Variants in ANKS1B observed in about 807,000 individuals in gnomAD.
ANKS1B encodes the protein ankyrin repeat and sterile alpha motif domain containing 1B.
Under a neutral mutation model 148.3 loss-of-function variants are expected in ANKS1B, and 36 were observed. The ratio of observed to expected loss-of-function variants is 0.24; its 90% CI spans 0.19 to 0.32. ANKS1B has a LOEUF of 0.32. ANKS1B is among the 10% of genes least tolerant of loss of function. ANKS1B has a pLI of 1.00. For synonymous variants in ANKS1B, 542 were observed against 560.8 expected, an observed-to-expected ratio of 0.97 and a Z score of 0.47; for missense variants, 1,157 against 1,542.6, an observed-to-expected ratio of 0.75 and a Z score of 4.19.
At chr12:99,066,291 A>G (rs2044301173) in intron 16 of ANKS1B, among the ~76,000 whole-genome samples, 1 of 152,166 alleles carries the variant, frequency 6.6e-6, no homozygotes, top group Non-Finnish European at 1.5e-5. Context: ...ACTGCACTCC[A>G]GCCTGGGTGA....
At chr12:99,841,055 C>T (rs1470526286) in intron 1 of ANKS1B, among the ~76,000 whole-genome samples, 2 of 152,078 alleles carry the variant, frequency 1.3e-5, no homozygotes, top group Admixed American at 6.6e-5. Flanking sequence ...ATGCTGATCC[C>T]CTCCCTAACT....
intron 1 of ANKS1B, among the ~76,000 whole-genome samples, chr12:99,894,772 T>TATA (rs148066774): frequency 6.7e-5 from 10 of 148,708 alleles, no homozygotes; most frequent in African/African-American, 2.4e-4. Flanking sequence ...ATTATAAATA[T>TATA]ATAATAATAA....
intron 12 of ANKS1B, among the ~76,000 whole-genome samples, chr12:99,312,225 A>G (rs77368652): frequency 0.014 from 2,170 of 152,292 alleles, 40 homozygotes; most frequent in African/African-American, 0.05. Context: ...TTGATTTTAA[A>G]AGAAATGATG....
chr12:98,752,028 C>T (rs1422777708), intron 25 of ANKS1B, among the ~76,000 whole-genome samples: 1 of 152,210 alleles, frequency 6.6e-6, no homozygotes, highest in Non-Finnish European at 1.5e-5. Context: ...CAGTGAAAGG[C>T]TGATCTTCAG....
At chr12:98,783,068 A>G (rs555700198) in intron 22 of ANKS1B, among the ~76,000 whole-genome samples, 136 of 151,298 alleles carry the variant, frequency 9.0e-4, no homozygotes, top group African/African-American at 3.3e-3. Context: ...AAAGCGTCAC[A>G]GTGGATTTCG....
chr12:98,908,895 A>C (rs2099782986), intron 17 of ANKS1B, among the ~76,000 whole-genome samples: 1 of 152,218 alleles, frequency 6.6e-6, no homozygotes. Context: ...TATGCTATAA[A>C]CAGCCCAACC....
chr12:99,577,581 C>G (rs2097530917), intron 9 of ANKS1B, among the ~76,000 whole-genome samples: 1 of 151,820 alleles, frequency 6.6e-6, no homozygotes, highest in African/African-American at 2.4e-5. Flanking sequence ...AAAAAACCCT[C>G]AGAGACAATT....
intron 21 of ANKS1B, among the ~76,000 whole-genome samples, chr12:98,800,217 GA>G (rs770133422): frequency 0.044 from 1,744 of 39,208 alleles, 23 homozygotes; most frequent in African/African-American, 0.1. Flanking sequence ...AGCAGAAAAT[GA>G]AAAAAAAAAA....
intron 11 of ANKS1B, among the ~76,000 whole-genome samples, chr12:99,441,911 A>G (rs577414269): frequency 6.6e-6 from 1 of 152,084 alleles, no homozygotes; most frequent in Non-Finnish European, 1.5e-5. Context: ...GGATCTATAG[A>G]AAAGAATCTG....
chr12:99,588,506 T>A (rs968715312), intron 9 of ANKS1B, among the ~76,000 whole-genome samples: 4 of 151,644 alleles, frequency 2.6e-5, no homozygotes, highest in African/African-American at 9.7e-5. Context: ...AACTTCCACC[T>A]CCCGGGTTCA....
chr12:99,349,775 ACAGAAGG>A (rs2091185183), intron 12 of ANKS1B, among the ~76,000 whole-genome samples: 1 of 152,010 alleles, frequency 6.6e-6, no homozygotes, highest in Admixed American at 6.6e-5. Context: ...AAATAACTAT[ACAGAAGG>A]TCAATAAGAA....
intron 11 of ANKS1B, among the ~76,000 whole-genome samples, chr12:99,410,160 C>A (rs938555448): frequency 3.3e-5 from 5 of 152,184 alleles, no homozygotes; most frequent in African/African-American, 1.2e-4. Context: ...ATTAGTAACA[C>A]ATGAAAATTG....
rs2076684473 is a variant in ANKS1B at position 99,161,791 on chromosome 12, G to A, written c.2420-7396C>T. Among the ~76,000 whole-genome samples the A allele has an allele frequency of 2.0e-5, 3 of 152,118 alleles. No individual in the cohort carries two copies. The South Asian group carries it at 6.2e-4, about 32-fold the overall frequency. On this transcript the variant is annotated intron_variant, in intron 14 of 26. Coordinates refer to ENST00000683438, the MANE Select transcript of ANKS1B (RefSeq NM_001352186.2). Reference sequence around the variant, plus strand: ...CTGACGGATTGTCAAAAACAATAGAGCAATCAGCAGGCAATTACTGGAGTC... The same window carrying A: ...CTGACGGATTGTCAAAAACAATAGAACAATCAGCAGGCAATTACTGGAGTC...
chr12:99,739,732 T>C (rs1372621685), intron 8 of ANKS1B, among the ~76,000 whole-genome samples: 1 of 152,136 alleles, frequency 6.6e-6, no homozygotes, highest in Non-Finnish European at 1.5e-5. Context: ...CTGCCACTTC[T>C]TTTTTCTCCC....
intron 8 of ANKS1B, among the ~76,000 whole-genome samples, chr12:99,708,648 C>A (rs2056187027): frequency 6.6e-6 from 1 of 152,134 alleles, no homozygotes; most frequent in African/African-American, 2.4e-5. Context: ...TATCTTCTAT[C>A]ATTGCATTTC....
At chr12:98,910,465 A>C (rs888585034) in intron 17 of ANKS1B, among the ~76,000 whole-genome samples, 1 of 152,252 alleles carries the variant, frequency 6.6e-6, no homozygotes, top group Non-Finnish European at 1.5e-5. Context: ...TTTAATTATC[A>C]GGCTCCCAAA....
intron 9 of ANKS1B, among the ~76,000 whole-genome samples, chr12:99,512,949 G>A (rs982983308): frequency 1.3e-5 from 2 of 151,852 alleles, no homozygotes; most frequent in Non-Finnish European, 2.9e-5. Flanking sequence ...TAGATGCTAG[G>A]CTTAATACCT....
chr12:99,132,652 T>C (rs1484388305), intron 15 of ANKS1B, among the ~76,000 whole-genome samples: 1 of 152,166 alleles, frequency 6.6e-6, no homozygotes, highest in Non-Finnish European at 1.5e-5. Context: ...TATACATACA[T>C]GAAAAACAAA....
rs1392688 is a variant in ANKS1B at position 99,641,959 on chromosome 12, A to G, written c.1272+13108T>C. Among the ~76,000 whole-genome samples, 1,459 of 152,324 alleles carry G rather than the reference A, an allele frequency of 9.6e-3. 24 individuals carry two copies. The highest frequency in any genetic ancestry group is 0.033 in the African/African-American group (1,386 of 41,568). ...AAATAGTCCATAGGGACTATGGGAAAGTATAAATAGTCCATAGAATTACTG... is the reference window on the plus strand; with the variant it reads ...AAATAGTCCATAGGGACTATGGGAAGGTATAAATAGTCCATAGAATTACTG... On this transcript the variant is annotated intron_variant, in intron 9 of 26. Transcript: ENST00000683438.
Sources: gnomAD v4.1 joint callset for allele counts (sites outside exome capture counted in the v4.1 genomes callset) on GRCh38, gnomAD v4.1.1 for gene constraint, MANE v1.5 for transcripts, NCBI Gene and HGNC (gene_info 2026-07-23, HGNC 2026-07-21) for gene names.